The following ART3 variants were observed in gnomAD, a reference collection of about 807,000 sequenced individuals.
ART3 encodes ADP-ribosyltransferase 3 (inactive), also known as ecto-ADP-ribosyltransferase 3.
Under a neutral mutation model 48.5 loss-of-function variants are expected in ART3, and 49 were observed. The observed-to-expected ratio is 1.01, with a 90% CI of 0.80 to 1.28. ART3 has a LOEUF of 1.28. ART3 is among the 50% of genes most tolerant of loss of function. The pLI is 0.00. For synonymous variants in ART3, 145 were observed against 157.2 expected (o/e 0.92, Z 0.58); for missense variants, 438 against 454.3 (o/e 0.96, Z 0.33).
upstream of ART3, among the ~76,000 whole-genome samples, chr4:76,072,191 A>G (rs9995300): frequency 0.33 from 49,557 of 152,124 alleles, 9,657 homozygotes; most frequent in African/African-American, 0.53. Flanking sequence ...GAGATTACAA[A>G]CACTTTAACT....
chr4:76,033,931 T>C (rs1302860085), intron 1 of ART3: 1 of 152,404 alleles, frequency 6.6e-6, no homozygotes, highest in East Asian at 1.9e-4. Flanking sequence ...GTCCAAGATA[T>C]TGCTATCATT....
At chr4:76,098,357 G>T (rs1358099606) in intron 4 of ART3, among the ~76,000 whole-genome samples, 1 of 152,044 alleles carries the variant, frequency 6.6e-6, no homozygotes, top group Non-Finnish European at 1.5e-5. Flanking sequence ...ACATGCTCTG[G>T]GTGGATCCTT....
At chr4:76,099,996 C>T (rs867338616) in intron 5 of ART3, among the ~76,000 whole-genome samples, 12 of 152,144 alleles carry the variant, frequency 7.9e-5, no homozygotes, top group Admixed American at 1.3e-4. Flanking sequence ...GATCACTTCC[C>T]AGGGACTTTA....
Position 76,101,762 on chromosome 4 carries a change from AATTAC to A in ART3, c.937+744_937+748del, listed in dbSNP as rs1299338366. The stretch of plus-strand genomic sequence containing the variant: ...GTGAGACTCCATCTTGGAAAAAAAA[AATTAC>A]TCAGATGTCCTCAAGGATACCGGGA... On this transcript the variant is annotated intron_variant, in intron 8 of 11. Transcript: ENST00000355810. 2.6e-5 allele frequency among the ~76,000 whole-genome samples: 4 copies of A among 152,152 alleles called. No homozygotes were observed. The East Asian group carries it at 7.7e-4, about 29-fold the overall frequency.
intron 1 of ART3, chr4:76,035,250 A>C (rs1734263825): frequency 1.2e-6 from 2 of 1,613,988 alleles, no homozygotes; most frequent in African/African-American, 2.7e-5. Flanking sequence ...TTACTTGGGT[A>C]CATTATGGAG....
At chr4:76,077,559 A>G (rs1402441399) in intron 2 of ART3, among the ~76,000 whole-genome samples, 3 of 152,248 alleles carry the variant, frequency 2.0e-5, no homozygotes, top group African/African-American at 7.2e-5. Flanking sequence ...ATATTGAGAT[A>G]CTACAAACAC....
intron 1 of ART3, among the ~76,000 whole-genome samples, chr4:76,059,817 C>G (rs765317120): frequency 6.6e-6 from 1 of 152,158 alleles, no homozygotes; most frequent in East Asian, 1.9e-4. Flanking sequence ...GGAGAACTAT[C>G]AAGTTTGTAC....
At chr4:76,081,193 C>T (rs1722391519) in intron 2 of ART3, among the ~76,000 whole-genome samples, 1 of 152,160 alleles carries the variant, frequency 6.6e-6, no homozygotes, top group Non-Finnish European at 1.5e-5. Flanking sequence ...CAGAATTCTC[C>T]ATGGGACTAA....
intron 1 of ART3, among the ~76,000 whole-genome samples, chr4:76,026,759 A>G (rs1264515499): frequency 6.6e-6 from 1 of 152,266 alleles, no homozygotes; most frequent in African/African-American, 2.4e-5. Flanking sequence ...TCCTCAGTGC[A>G]TATCATGTAT....
intron 1 of ART3, among the ~76,000 whole-genome samples, chr4:76,067,537 G>T (rs538326591): frequency 6.6e-6 from 1 of 152,216 alleles, no homozygotes; most frequent in Non-Finnish European, 1.5e-5. Flanking sequence ...CTAACAGCTA[G>T]AACTAACAGA....
At chr4:76,041,175 C>G (rs2052599259) in intron 1 of ART3, 2 of 152,180 alleles carry the variant, frequency 1.3e-5, no homozygotes, top group African/African-American at 4.8e-5. Context: ...GTTAGTCTGC[C>G]TGATTTCTGC....
chr4:76,069,142 GGAA>G (rs61389569), intron 1 of ART3, among the ~76,000 whole-genome samples: 31,246 of 152,004 alleles, frequency 0.21, 5,447 homozygotes, highest in African/African-American at 0.48. Flanking sequence ...ACTGGTGACA[GGAA>G]GAAGATCAGT....
At chr4:76,035,221 T>G in intron 1 of ART3, 1 of 1,614,126 alleles carries the variant, frequency 6.2e-7, no homozygotes, top group Non-Finnish European at 8.5e-7. Flanking sequence ...CTTACATCAC[T>G]TCTATTTTGT....
intron 1 of ART3, among the ~76,000 whole-genome samples, chr4:76,049,533 A>G (rs1031028425): frequency 2.6e-5 from 4 of 151,914 alleles, no homozygotes; most frequent in African/African-American, 9.7e-5. Flanking sequence ...CCAAAGAGTC[A>G]GGGGTTGTTA....
chr4:76,069,211 C>G (rs2149498181), intron 1 of ART3, among the ~76,000 whole-genome samples: 1 of 151,950 alleles, frequency 6.6e-6, no homozygotes, highest in South Asian at 2.1e-4. Flanking sequence ...CATGTGGTGA[C>G]TTTTTTGGGG....
At chr4:76,022,737 G>A (rs772534996) in intron 1 of ART3, 1 of 1,613,772 alleles carries the variant, frequency 6.2e-7, no homozygotes, top group Non-Finnish European at 8.5e-7. Context: ...ATAATTTCAA[G>A]TTTTTCTAAA....
intron 1 of ART3, among the ~76,000 whole-genome samples, chr4:76,024,076 G>A (rs1733139619): frequency 6.6e-6 from 1 of 152,164 alleles, no homozygotes; most frequent in Non-Finnish European, 1.5e-5. Flanking sequence ...AACACCATTA[G>A]ATTAAGTAAA....
chr4:76,068,011 G>A (rs779383579), intron 1 of ART3, among the ~76,000 whole-genome samples: 5 of 152,086 alleles, frequency 3.3e-5, no homozygotes, highest in Non-Finnish European at 5.9e-5. Flanking sequence ...GACTCACCTA[G>A]TTCTCTTTCC....
At chr4:76,040,444 A>ACACACACG (rs373323505) in intron 1 of ART3, among the ~76,000 whole-genome samples, 18,325 of 128,566 alleles carry the variant, frequency 0.14, 1,608 homozygotes, top group African/African-American at 0.23. Context: ...GGATACACAC[A>ACACACACG]CACACACACA....
Sources: allele counts gnomAD v4.1 joint callset (sites outside exome capture counted in the v4.1 genomes callset), GRCh38; gene constraint gnomAD v4.1.1; transcripts MANE v1.5; gene names NCBI Gene and HGNC (gene_info 2026-07-23, HGNC 2026-07-21).